The following DPP10 variants were observed in gnomAD, a reference collection of about 807,000 sequenced individuals.
The protein encoded by DPP10 is dipeptidyl peptidase like 10.
In DPP10, 33 loss-of-function variants were observed where a neutral mutation model predicts 120.9. The ratio of observed to expected loss-of-function variants is 0.27; its 90% CI spans 0.21 to 0.37. The LOEUF is 0.37. Ranked by LOEUF, DPP10 falls within the 10% of genes least tolerant of loss-of-function variation. DPP10 has a pLI of 1.00. For missense variants in DPP10, 816 were observed against 942.8 expected, an observed-to-expected ratio of 0.87 and a Z score of 1.76; for synonymous variants, 337 against 326.1, an observed-to-expected ratio of 1.03 and a Z score of -0.36.
chr2:115,177,646 T>C (rs1163618482), intron 1 of DPP10, among the ~76,000 whole-genome samples: 1 of 152,232 alleles, frequency 6.6e-6, no homozygotes, highest in Non-Finnish European at 1.5e-5. Context: ...TCCAGAGAAA[T>C]GTTTGTAGTT....
chr2:115,043,579 A>G (rs1704833203), intron 1 of DPP10, among the ~76,000 whole-genome samples: 1 of 152,236 alleles, frequency 6.6e-6, no homozygotes, highest in Admixed American at 6.5e-5. Context: ...TTACTCAGGG[A>G]TTGACCAGTC....
intron 1 of DPP10, among the ~76,000 whole-genome samples, chr2:114,485,452 AG>A (rs1167126750): frequency 6.7e-6 from 1 of 148,372 alleles, no homozygotes; most frequent in African/African-American, 2.5e-5. Flanking sequence ...TCCTATTTTC[AG>A]GAAAAACTGT....
chr2:114,496,441 AAGATAC>A (rs1457520247), intron 1 of DPP10, among the ~76,000 whole-genome samples: 2 of 152,154 alleles, frequency 1.3e-5, no homozygotes, highest in Non-Finnish European at 2.9e-5. Flanking sequence ...TGAGAAGTCC[AAGATAC>A]AGGTGTCAGC....
At chr2:114,647,008 A>G (rs1696191542) in intron 1 of DPP10, among the ~76,000 whole-genome samples, 1 of 152,242 alleles carries the variant, frequency 6.6e-6, no homozygotes, top group Admixed American at 6.5e-5. Context: ...AGTTCACACA[A>G]TGGAAGTCCA....
At chr2:115,192,687 A>G (rs1397242354) in intron 1 of DPP10, among the ~76,000 whole-genome samples, 1 of 152,172 alleles carries the variant, frequency 6.6e-6, no homozygotes, top group African/African-American at 2.4e-5. Context: ...TCACCTTTAT[A>G]TTAGTGGGCT....
At chr2:115,585,775 T>C (rs2082252986) in intron 5 of DPP10, among the ~76,000 whole-genome samples, 1 of 152,182 alleles carries the variant, frequency 6.6e-6, no homozygotes, top group Non-Finnish European at 1.5e-5. Flanking sequence ...CAAATACATA[T>C]GTGGACATCT....
chr2:114,581,262 C>A (rs1690501286), intron 1 of DPP10, among the ~76,000 whole-genome samples: 1 of 140,508 alleles, frequency 7.1e-6, no homozygotes, highest in Non-Finnish European at 1.5e-5. Flanking sequence ...TGGCTCACTG[C>A]AAGCTCCACC....
At chr2:114,596,950 C>T (rs1691961167) in intron 1 of DPP10, among the ~76,000 whole-genome samples, 1 of 151,940 alleles carries the variant, frequency 6.6e-6, no homozygotes, top group Non-Finnish European at 1.5e-5. Context: ...ACTGGGGTCA[C>T]AGAATGAAAA....
At chr2:114,972,074 G>C (rs1699436027) in intron 1 of DPP10, among the ~76,000 whole-genome samples, 1 of 152,184 alleles carries the variant, frequency 6.6e-6, no homozygotes, top group Admixed American at 6.5e-5. Context: ...ACCCCATTTA[G>C]AATGAGATTG....
chr2:114,653,507 T>A (rs970282697), intron 1 of DPP10, among the ~76,000 whole-genome samples: 2 of 152,184 alleles, frequency 1.3e-5, no homozygotes, highest in Admixed American at 1.3e-4. Flanking sequence ...ATGAATATAC[T>A]ATGCATCAGC....
chr2:114,794,133 G>A (rs757770662), intron 1 of DPP10, among the ~76,000 whole-genome samples: 5 of 152,090 alleles, frequency 3.3e-5, no homozygotes, highest in Non-Finnish European at 5.9e-5. Flanking sequence ...TTTCCCAAAA[G>A]AGCTATGACT....
At chr2:115,000,969 C>T (rs947083879) in intron 1 of DPP10, among the ~76,000 whole-genome samples, 2 of 152,210 alleles carry the variant, frequency 1.3e-5, no homozygotes, top group African/African-American at 2.4e-5. Flanking sequence ...GAAAACAATA[C>T]GTATATCAGA....
chr2:115,461,962 A>T (rs1160263677), intron 3 of DPP10, among the ~76,000 whole-genome samples: 6 of 152,174 alleles, frequency 3.9e-5, no homozygotes, highest in Non-Finnish European at 5.9e-5. Flanking sequence ...GACCTTTGGA[A>T]TGTCTTTTAT....
intron 1 of DPP10, among the ~76,000 whole-genome samples, chr2:114,924,276 A>T (rs1228600789): frequency 1.3e-5 from 2 of 152,176 alleles, no homozygotes; most frequent in Non-Finnish European, 2.9e-5. Flanking sequence ...CTGTAATCCT[A>T]GCACTTTGGG....
chr2:114,887,899 G>GCGGGTGGATCAC, intron 1 of DPP10, among the ~76,000 whole-genome samples: 1 of 152,130 alleles, frequency 6.6e-6, no homozygotes, highest in Non-Finnish European at 1.5e-5. Flanking sequence ...CCGCACTTTG[G>GCGGGTGGATCAC]GAGGCTGAGG....
intron 1 of DPP10, among the ~76,000 whole-genome samples, chr2:114,543,981 G>T (rs1321718571): frequency 6.6e-6 from 1 of 151,260 alleles, no homozygotes; most frequent in Non-Finnish European, 1.5e-5. Flanking sequence ...ATTTTAATCA[G>T]CTAGTATTTG....
At chr2:115,315,381 G>A (rs1423409836) in intron 2 of DPP10, among the ~76,000 whole-genome samples, 1 of 151,836 alleles carries the variant, frequency 6.6e-6, no homozygotes, top group African/African-American at 2.4e-5. Flanking sequence ...ATCTGTTATT[G>A]TTATGCAAAA....
Position 115,284,570 on chromosome 2 carries a change from G to A in DPP10, c.61-24669G>A, listed in dbSNP as rs115873830. On this transcript the variant is annotated intron_variant, in intron 1 of 25. Transcript: ENST00000410059. ...GTTATGTTAGAACAGGACAAGACTA[G>A]CTTTTGGCTCAGTGGGGTAGAAAAA... Among the ~76,000 whole-genome samples, 867 of 152,100 alleles carry A rather than the reference G, an allele frequency of 5.7e-3. 2 individuals carry two copies. Among genetic ancestry groups the A allele is most frequent in the Non-Finnish European group, 9.5e-3 (645 of 67,896 alleles).
intron 3 of DPP10, among the ~76,000 whole-genome samples, chr2:115,361,505 G>A (rs1414234489): frequency 2.0e-5 from 3 of 152,104 alleles, no homozygotes; most frequent in African/African-American, 7.2e-5. Flanking sequence ...TTTCCCATGG[G>A]AAAAACAGCC....
Sources: gnomAD v4.1 joint callset for allele counts (sites outside exome capture counted in the v4.1 genomes callset) on GRCh38, gnomAD v4.1.1 for gene constraint, MANE v1.5 for transcripts, NCBI Gene and HGNC (gene_info 2026-07-23, HGNC 2026-07-21) for gene names.